The following GPI variants were observed in gnomAD, a reference collection of about 807,000 sequenced individuals.
The protein encoded by GPI is D-hexose-6-phosphate anomerase.
GPI carries 56 observed loss-of-function variants against 75.8 expected under a neutral mutation model. That is an observed-to-expected ratio of 0.74 (90% CI 0.60 to 0.92). GPI has a LOEUF of 0.92. Among genes scored for constraint, GPI ranks in the 40% least tolerant of loss-of-function variants. The pLI is 0.00. For synonymous variants in GPI, 288 were observed against 285.4 expected (o/e 1.01, Z -0.09); for missense variants, 638 against 741.0 (o/e 0.86, Z 1.61).
chr19:34,390,235 CA>C (rs2145404725), intron 9 of GPI, among the ~76,000 whole-genome samples: 1 of 143,304 alleles, frequency 7.0e-6, no homozygotes, highest in East Asian at 2.0e-4. Flanking sequence ...GGGCCTGGCA[CA>C]AGTATGAGGC....
intron 4 of GPI, among the ~76,000 whole-genome samples, chr19:34,374,927 T>C (rs1448009387): frequency 6.6e-6 from 1 of 151,578 alleles, no homozygotes; most frequent in African/African-American, 2.4e-5. Context: ...GACGTCTTGC[T>C]ATGTTGCCCA....
chr19:34,365,170 A>G (rs1343008589), upstream of GPI: 18 of 1,257,560 alleles, frequency 1.4e-5, no homozygotes, highest in Non-Finnish European at 1.8e-5. Context: ...CTGCGCCATA[A>G]AGGCCGCCGC....
chr19:34,368,817 C>A, intron 4 of GPI, 115 bp downstream of exon 4: 1 of 1,223,044 alleles, frequency 8.2e-7, no homozygotes, highest in Non-Finnish European at 1.2e-6. Flanking sequence ...CAGGTTCTCA[C>A]TGCAGCTTAA....
At chr19:34,360,499 C>G (rs1367505561), upstream of GPI, among the ~76,000 whole-genome samples, 2 of 152,008 alleles carry the variant, frequency 1.3e-5, no homozygotes, top group African/African-American at 2.4e-5. Flanking sequence ...CTCAGGAGAC[C>G]GAGGTGAGAG....
intron 3 of GPI, among the ~76,000 whole-genome samples, chr19:34,367,325 C>G (rs1251345684): frequency 1.3e-5 from 2 of 152,164 alleles, no homozygotes; most frequent in East Asian, 3.9e-4. Flanking sequence ...AGCACCCAGA[C>G]TCTGTCCTCA....
intron 4 of GPI, among the ~76,000 whole-genome samples, chr19:34,372,513 G>A (rs2074470586): frequency 6.6e-6 from 1 of 152,124 alleles, no homozygotes. Flanking sequence ...GTGGTGGTGT[G>A]TACCTATAGT....
chr19:34,363,735 G>A (rs990491601), upstream of GPI, among the ~76,000 whole-genome samples: 1 of 152,138 alleles, frequency 6.6e-6, no homozygotes, highest in Non-Finnish European at 1.5e-5. Flanking sequence ...CAGGAGAATC[G>A]CTTGAACCAG....
intron 1 of GPI, 184 bp downstream of exon 1, chr19:34,365,572 G>A (rs543365116): frequency 2.9e-6 from 3 of 1,036,434 alleles, no homozygotes; most frequent in African/African-American, 3.2e-5. Flanking sequence ...GCGTTCCTGG[G>A]GGCTTGCAGC....
At position 34,402,192 on chromosome 19, in the gene GPI, G is replaced by T. The variant is rs2075032257; in HGVS notation, c.*2156G>T. 2 of 152,108 alleles carry T rather than the reference G, an allele frequency of 1.3e-5. No individual in the cohort carries two copies. Among genetic ancestry groups the T allele is most frequent in the Admixed American group, 1.3e-4 (2 of 15,276 alleles). 9.4% of individuals were successfully genotyped at this position (152,108 alleles called of 1,614,324 possible). ...AAAAAATAAATTTTTGTAGTGATAG[G>T]ATCCCACTGAGGCCAGAGAATAGGG... On this transcript the variant is annotated 3_prime_UTR_variant, in exon 18 of 18. Coordinates refer to ENST00000356487, the MANE Select transcript of GPI (RefSeq NM_000175.5).
chr19:34,362,773 A>G (rs2074307881), upstream of GPI, among the ~76,000 whole-genome samples: 1 of 152,316 alleles, frequency 6.6e-6, no homozygotes. Flanking sequence ...GCTAGAGCTC[A>G]GGTCTGTCCT....
rs1195689760 is a variant in GPI, at chr19:34,400,159, ACGAGC to A, written c.*125_*129del. 2.9e-6 allele frequency: 3 copies of A among 1,043,314 alleles called. No homozygotes were observed. Among genetic ancestry groups the A allele is most frequent in the Non-Finnish European group, 4.4e-6 (3 of 679,004 alleles). 64.6% of individuals were successfully genotyped at this position (1,043,314 alleles called of 1,614,324 possible). ...CACCCTCTGGTTGTGGGCTTGGACC[ACGAGC>A]CCTTAGCAGGGAAGGCTGGTCTCCC... On this transcript the variant is annotated 3_prime_UTR_variant, in exon 18 of 18. Coordinates refer to ENST00000356487, the MANE Select transcript of GPI (RefSeq NM_000175.5).
chr19:34,383,568 T>C (rs1466634244), intron 9 of GPI, among the ~76,000 whole-genome samples: 5 of 152,078 alleles, frequency 3.3e-5, no homozygotes, highest in Non-Finnish European at 5.9e-5. Context: ...TGACTGGGTG[T>C]GATGGGCAGA....
intron 8 of GPI, 198 bp from the exon 9 acceptor site, chr19:34,381,268 C>G: frequency 3.0e-6 from 2 of 658,810 alleles, no homozygotes; most frequent in Non-Finnish European, 5.5e-6. Flanking sequence ...ATGGACTGAT[C>G]TGGTGTCCAG....
intron 4 of GPI, among the ~76,000 whole-genome samples, chr19:34,372,076 A>G (rs1039196398): frequency 6.6e-6 from 1 of 151,562 alleles, no homozygotes; most frequent in African/African-American, 2.4e-5. Flanking sequence ...GATTACAGGC[A>G]TCCGCCACCA....
chr19:34,378,286 C>T lies in GPI; in HGVS notation c.633+405C>T, dbSNP rs780831132. On this transcript the variant is annotated intron_variant, in intron 6 of 17. Coordinates refer to ENST00000356487, the MANE Select transcript of GPI (RefSeq NM_000175.5). ...TCGGCTCACTGCAATCTCCGTCTCCCAGGTTTCAAGCGATTCTCCTGCCTC... is the reference window on the plus strand; with the variant it reads ...TCGGCTCACTGCAATCTCCGTCTCCTAGGTTTCAAGCGATTCTCCTGCCTC... Among the ~76,000 whole-genome samples, 60 of 152,128 alleles carry T rather than the reference C, an allele frequency of 3.9e-4. 1 individual carries two copies. The highest frequency in any genetic ancestry group is 1.8e-4 in the Non-Finnish European group (12 of 68,018).
chr19:34,370,559 A>AAAT (rs1478940283), intron 4 of GPI, among the ~76,000 whole-genome samples: 1 of 152,004 alleles, frequency 6.6e-6, no homozygotes, highest in African/African-American at 2.4e-5. Context: ...TCTGTACTAA[A>AAAT]AATACAAAAA....
intron 9 of GPI, among the ~76,000 whole-genome samples, chr19:34,391,900 T>TGTCTGAGGAGGTAGG (rs2074845210): frequency 5.3e-5 from 2 of 37,396 alleles, no homozygotes; most frequent in Non-Finnish European, 1.0e-4. Context: ...GAGGAGGCAG[T>TGTCTGAGGAGGTAGG]ATCTGGTACA....
upstream of GPI, chr19:34,364,886 G>C (rs1466144035): frequency 8.1e-6 from 10 of 1,239,712 alleles, no homozygotes; most frequent in Non-Finnish European, 1.0e-5. Flanking sequence ...AAGCCGACTA[G>C]TGCACAGGGA....
intron 1 of GPI, chr19:34,365,747 G>T (rs1220644437): frequency 2.0e-6 from 1 of 493,144 alleles, no homozygotes; most frequent in Admixed American, 2.3e-5. Context: ...GCGGGAAAGG[G>T]CTGTCCCTTT....
Sources: gnomAD v4.1 joint callset for allele counts (sites outside exome capture counted in the v4.1 genomes callset) on GRCh38, gnomAD v4.1.1 for gene constraint, MANE v1.5 for transcripts, NCBI Gene and HGNC (gene_info 2026-07-23, HGNC 2026-07-21) for gene names.